Variants in ANKS1B observed in about 807,000 individuals in gnomAD.
ANKS1B encodes ankyrin repeat and sterile alpha motif domain-containing protein 1B.
Under a neutral mutation model 148.3 loss-of-function variants are expected in ANKS1B, and 36 were observed. The ratio of observed to expected loss-of-function variants is 0.24; its 90% confidence interval spans 0.19 to 0.32. The LOEUF is 0.32. ANKS1B is among the 10% of genes least tolerant of loss of function. ANKS1B has a pLI of 1.00. For synonymous variants in ANKS1B, 542 were observed against 560.8 expected (o/e 0.97, Z 0.47); for missense variants, 1,157 against 1,542.6 (o/e 0.75, Z 4.19).
At chr12:98,888,040 T>C (rs1315651401) in intron 17 of ANKS1B, among the ~76,000 whole-genome samples, 1 of 152,262 alleles carries the variant, frequency 6.6e-6, no homozygotes, top group Non-Finnish European at 1.5e-5. Context: ...CCTTAAATGA[T>C]ATAAGTCTAC....
At chr12:99,410,794 C>T (rs1460141199) in intron 11 of ANKS1B, among the ~76,000 whole-genome samples, 3 of 152,192 alleles carry the variant, frequency 2.0e-5, no homozygotes, top group Non-Finnish European at 4.4e-5. Context: ...GGTAGGACCC[C>T]TTGTTTCAAG....
intron 24 of ANKS1B, among the ~76,000 whole-genome samples, chr12:98,778,875 A>T (rs1364720497): frequency 1.3e-5 from 2 of 152,164 alleles, no homozygotes; most frequent in Non-Finnish European, 2.9e-5. Context: ...GCCCTGAGTC[A>T]CCCACACTCT....
At chr12:99,181,973 C>T (rs1423456175) in intron 14 of ANKS1B, among the ~76,000 whole-genome samples, 2 of 152,066 alleles carry the variant, frequency 1.3e-5, no homozygotes, top group African/African-American at 2.4e-5. Context: ...ACTACCCTTC[C>T]CAGCTTCTGG....
chr12:99,807,120 T>C (rs1252275934), intron 3 of ANKS1B, among the ~76,000 whole-genome samples: 1 of 152,208 alleles, frequency 6.6e-6, no homozygotes, highest in Admixed American at 6.5e-5. Context: ...AGAAGGTAAA[T>C]TCTTGGTAAC....
intron 1 of ANKS1B, among the ~76,000 whole-genome samples, chr12:99,844,883 T>C (rs2086374968): frequency 6.6e-6 from 1 of 152,194 alleles, no homozygotes; most frequent in South Asian, 2.1e-4. Flanking sequence ...TGTTTTTCCA[T>C]TTGTTTGTGT....
chr12:99,287,759 T>C (rs1250568593), intron 12 of ANKS1B, among the ~76,000 whole-genome samples: 3 of 152,164 alleles, frequency 2.0e-5, no homozygotes, highest in Admixed American at 6.5e-5. Flanking sequence ...AAAAATTCAA[T>C]TGATGTACAA....
intron 9 of ANKS1B, among the ~76,000 whole-genome samples, chr12:99,544,963 G>A (rs1452746911): frequency 6.6e-6 from 1 of 152,112 alleles, no homozygotes; most frequent in East Asian, 1.9e-4. Flanking sequence ...ACTCATCTGT[G>A]AGCCCTGGCT....
At chr12:99,894,121 T>G (rs1232324437) in intron 1 of ANKS1B, among the ~76,000 whole-genome samples, 1 of 151,656 alleles carries the variant, frequency 6.6e-6, no homozygotes, top group African/African-American at 2.4e-5. Flanking sequence ...GTAAAAAGAT[T>G]TTTAAAGGTA....
intron 1 of ANKS1B, among the ~76,000 whole-genome samples, chr12:99,956,756 C>T (rs527613723): frequency 6.6e-6 from 1 of 152,292 alleles, no homozygotes; most frequent in South Asian, 2.1e-4. Flanking sequence ...TACATTCTCT[C>T]AATTTTAGAG....
intron 17 of ANKS1B, among the ~76,000 whole-genome samples, chr12:98,884,753 T>C (rs1237497836): frequency 6.9e-6 from 1 of 144,312 alleles, no homozygotes; most frequent in Non-Finnish European, 1.5e-5. Flanking sequence ...GAGCTGAGAT[T>C]GCGCCACTGC....
chr12:99,555,974 T>C (rs2097272217), intron 9 of ANKS1B, among the ~76,000 whole-genome samples: 1 of 152,174 alleles, frequency 6.6e-6, no homozygotes, highest in Admixed American at 6.5e-5. Context: ...AAGTCTCTCC[T>C]CTTGAATTTT....
intron 4 of ANKS1B, among the ~76,000 whole-genome samples, chr12:99,800,054 T>C (rs1479719424): frequency 1.3e-5 from 2 of 152,092 alleles, no homozygotes; most frequent in Non-Finnish European, 2.9e-5. Flanking sequence ...GGATTGAATA[T>C]CTGTGTGCCC....
chr12:98,910,307 T>C (rs1312036692), intron 17 of ANKS1B, among the ~76,000 whole-genome samples: 4 of 152,210 alleles, frequency 2.6e-5, no homozygotes, highest in African/African-American at 9.7e-5. Flanking sequence ...CTGACTGTAA[T>C]GTCATCACCA....
In ANKS1B at chr12:98,781,281, G is replaced by C. The variant is rs866961253; in HGVS notation, c.3355-78C>G. The C allele has an allele frequency of 4.2e-5, 33 of 783,836 alleles. No individual in the cohort carries two copies. The South Asian group carries it at 4.7e-4, about 11-fold the overall frequency. 48.6% of individuals were successfully genotyped at this position (783,836 alleles called of 1,614,324 possible). ...AAGCACACAATTTTTCCTCCTGAAA[G>C]ATAAAGATGAGCTCAAATTAAAAAC... On this transcript the variant is annotated intron_variant, in intron 23 of 26. Transcript: ENST00000683438.
intron 23 of ANKS1B, 110 bp from the exon 24 acceptor site, chr12:98,781,313 AACAC>A (rs59308427): frequency 0.037 from 22,240 of 606,730 alleles, 1,119 homozygotes; most frequent in African/African-American, 0.22. Flanking sequence ...AAACAACAAC[AACAC>A]ACACACACAC....
intron 9 of ANKS1B, among the ~76,000 whole-genome samples, chr12:99,524,922 T>G (rs1052127941): frequency 6.6e-6 from 1 of 152,060 alleles, no homozygotes; most frequent in African/African-American, 2.4e-5. Context: ...AGATGAGATT[T>G]GGGTGGGGAC....
chr12:99,822,478 T>C (rs1225595991), intron 2 of ANKS1B, among the ~76,000 whole-genome samples: 2 of 152,300 alleles, frequency 1.3e-5, no homozygotes, highest in Non-Finnish European at 2.9e-5. Flanking sequence ...GTTTCTATCA[T>C]TGCCATCTTT....
At chr12:99,901,564 G>T (rs560940858) in intron 1 of ANKS1B, among the ~76,000 whole-genome samples, 1 of 152,126 alleles carries the variant, frequency 6.6e-6, no homozygotes, top group African/African-American at 2.4e-5. Context: ...ACCCTCTCCA[G>T]GATTATTCTG....
At chr12:98,940,877 A>G (rs1425795062) in intron 17 of ANKS1B, among the ~76,000 whole-genome samples, 1 of 152,222 alleles carries the variant, frequency 6.6e-6, no homozygotes, top group African/African-American at 2.4e-5. Context: ...ATTTACTAAC[A>G]TTGAAAAATT....
Sources: gnomAD v4.1 joint callset for allele counts (sites outside exome capture counted in the v4.1 genomes callset) on GRCh38, gnomAD v4.1.1 for gene constraint, MANE v1.5 for transcripts, NCBI Gene and HGNC (gene_info 2026-07-23, HGNC 2026-07-21) for gene names.